SLCO1B3: variants seen among roughly 807,000 people sequenced by gnomAD.
SLCO1B3 encodes the protein liver-specific organic anion transporter 2.
Under a neutral mutation model 71.8 loss-of-function variants are expected in SLCO1B3, and 72 were observed. That is an observed-to-expected ratio of 1.00 (90% CI 0.83 to 1.22). The LOEUF (loss-of-function observed/expected upper bound fraction) is 1.22, where lower values mean the gene tolerates loss of function less well. Among genes scored for constraint, SLCO1B3 ranks in the 50% most tolerant of loss-of-function variants. SLCO1B3 has a pLI of 0.00. For synonymous variants in SLCO1B3, 298 were observed against 278.4 expected, an observed-to-expected ratio of 1.07 and a Z score of -0.70; for missense variants, 911 against 819.7, an observed-to-expected ratio of 1.11 and a Z score of -1.36.
intron 3 of SLCO1B3, among the ~76,000 whole-genome samples, chr12:20,828,754 T>C (rs1304202519): frequency 1.3e-5 from 2 of 152,122 alleles, no homozygotes; most frequent in Non-Finnish European, 2.9e-5. Context: ...CATTACCATA[T>C]TTTAGCTGTG....
intron 13 of SLCO1B3, among the ~76,000 whole-genome samples, chr12:20,897,653 T>A (rs1445396833): frequency 6.6e-6 from 1 of 152,160 alleles, no homozygotes; most frequent in African/African-American, 2.4e-5. Flanking sequence ...ATCCAACACT[T>A]CGAGGAGAAA....
Position 20,862,475 on chromosome 12 carries a change from G to A in SLCO1B3, c.545G>A (p.Gly182Asp), listed in dbSNP as rs966952624. The change falls in exon 7 of 16, where the codon GGC (glycine) becomes GAC (aspartate). Residue 182 changes from glycine to aspartate, a missense_variant. Physicochemically the swap from Gly to Asp is moderately conservative, Grantham distance 94 (BLOSUM62 -1). Transcript: ENST00000381545. ...IYVFMGNMLR[G>D]IGETPIVPLG... ...GTCTTCATGGGGAATATGCTTCGTG[G>A]CATAGGGGAAACCCCCATAGTACCA... 1 of 1,612,810 alleles carries A rather than the reference G, an allele frequency of 6.2e-7. No homozygotes were observed. The highest frequency in any genetic ancestry group is 1.3e-5 in the African/African-American group (1 of 74,850).
At chr12:20,895,507 A>T (rs1374647119) in intron 13 of SLCO1B3, among the ~76,000 whole-genome samples, 3 of 152,090 alleles carry the variant, frequency 2.0e-5, no homozygotes, top group African/African-American at 7.2e-5. Flanking sequence ...CTCCAAAATG[A>T]TCTCCTTTGA....
intron 15 of SLCO1B3, among the ~76,000 whole-genome samples, chr12:20,912,682 C>T (rs557401743): frequency 7.4e-4 from 113 of 151,906 alleles, no homozygotes; most frequent in African/African-American, 2.7e-3. Flanking sequence ...CACCCCCACA[C>T]GCAGCTAATT....
chr12:20,821,647 C>T (rs992219902), intron 3 of SLCO1B3, among the ~76,000 whole-genome samples: 4 of 151,958 alleles, frequency 2.6e-5, no homozygotes, highest in Admixed American at 6.6e-5. Flanking sequence ...GGTACTTGCC[C>T]CTCCCCCAGA....
At position 20,916,200 on chromosome 12, in the gene SLCO1B3, A is replaced by G. The variant is rs1414975524; in HGVS notation, c.2062A>G (p.Ser688Gly). The change falls in exon 16 of 16, where the codon AGT becomes GGT. Residue 688 changes from serine (S) to glycine (G), a missense_variant. By Grantham distance (56) the Ser-to-Gly change is moderately conservative (BLOSUM62 0). Transcript: ENST00000381545. ...EHFVPSAGTD[S>G]KTCNLDMQDN... The stretch of plus-strand genomic sequence containing the variant: ...TTTTGTACCTTCTGCTGGAACAGAT[A>G]GTAAAACATGTAATTTGGACATGCA... 4.3e-6 allele frequency: 7 copies of G among 1,611,748 alleles called. No individual in the cohort carries two copies. The highest frequency in any genetic ancestry group is 4.2e-6 in the Non-Finnish European group (5 of 1,178,084).
chr12:20,900,071 G>A lies in SLCO1B3; in HGVS notation c.1748-1279G>A, dbSNP rs74773654. 6.2e-4 allele frequency among the ~76,000 whole-genome samples: 94 copies of A among 152,182 alleles called. 4 individuals are homozygous for A. The South Asian group carries it at 0.018, about 29-fold the overall frequency. On this transcript the variant is annotated intron_variant, in intron 14 of 15. Transcript: ENST00000381545. ...TTACTTAAAACATTTACTTCACAACGTTTGTTTAAACCAGTGGCATAACGT... is the reference window on the plus strand; with the variant it reads ...TTACTTAAAACATTTACTTCACAACATTTGTTTAAACCAGTGGCATAACGT...
At chr12:20,901,284 C>A in intron 14 of SLCO1B3, 66 bp from the exon 15 acceptor site, 3 of 998,798 alleles carry the variant, frequency 3.0e-6, no homozygotes, top group Non-Finnish European at 4.5e-6. Flanking sequence ...GTATCAATAT[C>A]GACTATCGCT....
intron 13 of SLCO1B3, among the ~76,000 whole-genome samples, chr12:20,897,982 C>G (rs534427471): frequency 6.6e-6 from 1 of 151,924 alleles, no homozygotes; most frequent in Non-Finnish European, 1.5e-5. Context: ...ATATAATTTA[C>G]GAATCATATT....
intron 6 of SLCO1B3, among the ~76,000 whole-genome samples, chr12:20,861,691 AATAAT>A (rs1460770687): frequency 1.3e-5 from 2 of 152,052 alleles, no homozygotes; most frequent in Non-Finnish European, 2.9e-5. Flanking sequence ...TTATAAACAC[AATAAT>A]ATAAGTATAA....
In SLCO1B3 at chr12:20,858,576, G is replaced by A. The variant is rs1365924743; in HGVS notation, c.359+5G>A. The A allele has an allele frequency of 6.2e-7, 1 of 1,603,676 alleles. No homozygotes were observed. The highest frequency in any genetic ancestry group is 1.3e-5 in the African/African-American group (1 of 74,804). On this transcript the variant is annotated splice_donor_5th_base_variant and intron_variant, in intron 5 of 15. Transcript: ENST00000381545. ...ACCACATTTCTTCATGGGATAGTAA[G>A]TGTTAAACAGCTCTGAGCCATTTAT...
At chr12:20,871,261 A>G (rs866473648) in intron 8 of SLCO1B3, among the ~76,000 whole-genome samples, 1 of 152,160 alleles carries the variant, frequency 6.6e-6, no homozygotes, top group South Asian at 2.1e-4. Flanking sequence ...ATTGGCATTA[A>G]TTATTTCAGT....
chr12:20,811,372 T>G (rs1375894797), intron 1 of SLCO1B3, among the ~76,000 whole-genome samples: 1 of 152,146 alleles, frequency 6.6e-6, no homozygotes, highest in African/African-American at 2.4e-5. Flanking sequence ...TAAATAATGG[T>G]CCCCTTCACC....
chr12:20,897,589 G>A (rs560222185), intron 13 of SLCO1B3, among the ~76,000 whole-genome samples: 7 of 152,282 alleles, frequency 4.6e-5, no homozygotes, highest in South Asian at 2.1e-4. Context: ...CTTAGTAGGT[G>A]CTTAGTGAAT....
chr12:20,870,625 G>C (rs7137416), intron 8 of SLCO1B3, among the ~76,000 whole-genome samples: 110,093 of 152,012 alleles, frequency 0.72, 42,476 homozygotes, highest in South Asian at 0.9. Context: ...TCAAAGATCA[G>C]ATGACTGTAT....
rs1290597032 is a variant in SLCO1B3, at chr12:20,813,607, A to C, written c.-97A>C. 1 of 152,136 alleles carries C rather than the reference A, an allele frequency of 6.6e-6. No homozygotes were observed. Among genetic ancestry groups the C allele is most frequent in the African/African-American group, 2.4e-5 (1 of 41,430 alleles). 9.4% of individuals were successfully genotyped at this position (152,136 alleles called of 1,614,324 possible). ...TGTTGTCCCGTTGTTCCCACCTCCT[A>C]GAGGGCCTGACAGAAGAGGTACATA... On this transcript the variant is annotated 5_prime_UTR_variant, in exon 2 of 16. Coordinates refer to ENST00000381545, the MANE Select transcript of SLCO1B3 (RefSeq NM_019844.4).
chr12:20,913,173 A>G (rs1398368837), intron 15 of SLCO1B3, among the ~76,000 whole-genome samples: 1 of 152,158 alleles, frequency 6.6e-6, no homozygotes, highest in African/African-American at 2.4e-5. Flanking sequence ...CATTTCTGAT[A>G]GAGGCATGTT....
intron 15 of SLCO1B3, among the ~76,000 whole-genome samples, chr12:20,908,171 G>A (rs1591793227): frequency 6.6e-6 from 1 of 150,610 alleles, no homozygotes; most frequent in Non-Finnish European, 1.5e-5. Context: ...TCATTTGCCA[G>A]TTAATACACT....
chr12:20,844,331 C>T (rs569648690), intron 3 of SLCO1B3, among the ~76,000 whole-genome samples: 18 of 152,066 alleles, frequency 1.2e-4, no homozygotes, highest in African/African-American at 4.3e-4. Context: ...CTTTGGAAGG[C>T]TGAGGTGGGC....
Sources: allele counts gnomAD v4.1 joint callset (sites outside exome capture counted in the v4.1 genomes callset), GRCh38; gene constraint gnomAD v4.1.1; transcripts MANE v1.5; gene names NCBI Gene and HGNC (gene_info 2026-07-23, HGNC 2026-07-21).